Variants in BDH1 observed in about 807,000 individuals in gnomAD.
BDH1 encodes the protein D-beta-hydroxybutyrate dehydrogenase, mitochondrial.
Under a neutral mutation model 33.1 loss-of-function variants are expected in BDH1, and 30 were observed. The ratio of observed to expected loss-of-function variants is 0.91; its 90% CI spans 0.68 to 1.23. The LOEUF (loss-of-function observed/expected upper bound fraction) is 1.23, where lower values mean the gene tolerates loss of function less well. BDH1 is among the 50% of genes most tolerant of loss of function. The pLI is 0.00. For missense variants in BDH1, 443 were observed against 464.4 expected, an observed-to-expected ratio of 0.95 and a Z score of 0.42; for synonymous variants, 190 against 183.6, an observed-to-expected ratio of 1.03 and a Z score of -0.28.
intron 1 of BDH1, among the ~76,000 whole-genome samples, chr3:197,564,140 T>A (rs1717355881): frequency 1.4e-5 from 2 of 148,070 alleles, no homozygotes; most frequent in Non-Finnish European, 3.0e-5. Flanking sequence ...AATAAAGAGG[T>A]TTTTTTTGGT....
At chr3:197,567,575 T>C (rs1717474244) in intron 1 of BDH1, among the ~76,000 whole-genome samples, 1 of 152,192 alleles carries the variant, frequency 6.6e-6, no homozygotes, top group Non-Finnish European at 1.5e-5. Context: ...CTCTCTAAAA[T>C]GTATAAAACC....
At chr3:197,569,034 A>G (rs1020360274) in intron 1 of BDH1, among the ~76,000 whole-genome samples, 3 of 152,224 alleles carry the variant, frequency 2.0e-5, no homozygotes, top group African/African-American at 7.2e-5. Flanking sequence ...GTAGCCTAAG[A>G]TTATTCCCAT....
chr3:197,557,482 C>T (rs2567341), upstream of BDH1, among the ~76,000 whole-genome samples: 31,173 of 152,188 alleles, frequency 0.2, 3,258 homozygotes, highest in African/African-American at 0.22. The surrounding 1 kb of genome is among the most constrained non-coding windows in gnomAD (Gnocchi z 4.6). Flanking sequence ...CGGTGGCTCA[C>T]GCCTATAATC....
chr3:197,570,938 TCA>T (rs1417165663), intron 1 of BDH1, among the ~76,000 whole-genome samples: 1 of 152,156 alleles, frequency 6.6e-6, no homozygotes, highest in African/African-American at 2.4e-5. Flanking sequence ...CCTGGAAAAG[TCA>T]CAGACACTCA....
At chr3:197,571,569 G>C (rs1406331088) in intron 1 of BDH1, among the ~76,000 whole-genome samples, 1 of 152,186 alleles carries the variant, frequency 6.6e-6, no homozygotes, top group Non-Finnish European at 1.5e-5. Context: ...GGTTTTACAA[G>C]GGGAAACCCC....
chr3:197,524,182 C>T (rs2108728484), intron 5 of BDH1, among the ~76,000 whole-genome samples: 1 of 152,340 alleles, frequency 6.6e-6, no homozygotes, highest in South Asian at 2.1e-4. Flanking sequence ...ACTTAATTGG[C>T]AGCAATTTTC....
chr3:197,511,736 G>T lies in BDH1; in HGVS notation c.*159C>A. 1.4e-6 allele frequency: 1 copy of T among 700,536 alleles called. No homozygotes were observed. Among genetic ancestry groups the T allele is most frequent in the Non-Finnish European group, 2.3e-6 (1 of 438,854 alleles). The allele number at this position is 700,536 out of a possible 1,614,324, so 43.4% of individuals were successfully genotyped here. On this transcript the variant is annotated 3_prime_UTR_variant, in exon 8 of 8. Coordinates refer to ENST00000392379, the MANE Select transcript of BDH1 (RefSeq NM_203314.3). ...TGTGAAGGCCCAAGTCACTCACTATGCAAAGAAGTCATTCCCTCTAGTTAG... is the reference window on the plus strand; with the variant it reads ...TGTGAAGGCCCAAGTCACTCACTATTCAAAGAAGTCATTCCCTCTAGTTAG...
At chr3:197,563,255 C>T (rs1717324416) in intron 1 of BDH1, among the ~76,000 whole-genome samples, 1 of 152,170 alleles carries the variant, frequency 6.6e-6, no homozygotes, top group Non-Finnish European at 1.5e-5. Flanking sequence ...CACTTTGTAC[C>T]TTACGAGGTA....
chr3:197,525,547 A>C lies in BDH1; in HGVS notation c.268-2766T>G, dbSNP rs1714005736. Among the ~76,000 whole-genome samples the C allele has an allele frequency of 6.6e-6, 1 of 152,166 alleles. No individual in the cohort carries two copies. Among genetic ancestry groups the C allele is most frequent in the South Asian group, 2.1e-4 (1 of 4,830 alleles). On this transcript the variant is annotated intron_variant, in intron 5 of 7. Coordinates refer to ENST00000392379, the MANE Select transcript of BDH1 (RefSeq NM_203314.3). The surrounding 1 kb of genome is among the most constrained non-coding windows in gnomAD (Gnocchi z 4.9). ...TCTTTCAGAGGAAACTAGGGGATTA[A>C]TCTCACTGCCCACGGCTTCAGGCTC...
chr3:197,531,838 C>A (rs1053530907), intron 5 of BDH1, among the ~76,000 whole-genome samples: 2 of 152,116 alleles, frequency 1.3e-5, no homozygotes, highest in Admixed American at 1.3e-4. Context: ...TCCCTTCATG[C>A]ACCTTAAATT....
rs549145144 is a variant in BDH1 at position 197,510,327 on chromosome 3, G to A, written c.*1568C>T. ...CTGCGGAGGAGGAGCGCCCTCTAGC[G>A]GCAGGTCCGCCCAGGGAGAGGCGGA... On this transcript the variant is annotated 3_prime_UTR_variant, in exon 8 of 8. Transcript: ENST00000392379. The A allele has an allele frequency of 6.6e-6, 1 of 152,458 alleles. No homozygotes were observed. Among genetic ancestry groups the A allele is most frequent in the Admixed American group, 6.5e-5 (1 of 15,312 alleles). 9.4% of individuals were successfully genotyped at this position (152,458 alleles called of 1,614,324 possible).
chr3:197,531,663 T>C (rs1401564683), intron 5 of BDH1, among the ~76,000 whole-genome samples: 6 of 151,994 alleles, frequency 3.9e-5, no homozygotes, highest in Non-Finnish European at 8.8e-5. Flanking sequence ...TAGAAATCAG[T>C]GGCTGCTCAG....
Position 197,514,422 on chromosome 3 carries a change from C to G in BDH1, c.410-6G>C, listed in dbSNP as rs1018711585. The G allele has an allele frequency of 2.5e-6, 4 of 1,598,914 alleles. No homozygotes were observed. The highest frequency in any genetic ancestry group is 2.7e-5 in the African/African-American group (2 of 74,644). On this transcript the variant is annotated splice_region_variant and splice_polypyrimidine_tract_variant and intron_variant, in intron 6 of 7. Transcript: ENST00000392379. This position sits in a 1 kb window ranked among gnomAD's most constrained non-coding sequence, Gnocchi z 4.2. ...GTTAACGAGGCCCCACATGCCTGGA[C>G]AGGAGAGGGATAGATGTGCATTTAC...
rs1387419260 is a variant in BDH1, at chr3:197,511,066, A to T, written c.*829T>A. 1 of 152,164 alleles carries T rather than the reference A, an allele frequency of 6.6e-6. No individual in the cohort carries two copies. The highest frequency in any genetic ancestry group is 1.5e-5 in the Non-Finnish European group (1 of 68,036). 9.4% of individuals were successfully genotyped at this position (152,164 alleles called of 1,614,324 possible). A position where few individuals can be genotyped will look rare whatever the true frequency, so the allele number is the denominator to read the frequency against. ...ACATGGTGAAACCCCATCTCTACTA[A>T]AAATACAAAAATTAGCCCGGCATGG... On this transcript the variant is annotated 3_prime_UTR_variant, in exon 8 of 8. Transcript: ENST00000392379.
rs1429754406 is a variant in BDH1, at chr3:197,522,650, G to A, written c.399C>T (p.Asp133=). ...GAAGGGGCGCCCTACCTTTCTCAGG[G>A]TCCTTCAGGCTCGAGCGGACAATCT... ...VVEIVRSSLK[D]PEKGMWGLVN... The change falls in exon 6 of 8, where the codon GAC becomes GAT. Residue 133 remains aspartate (D), a synonymous_variant. Transcript: ENST00000392379. The surrounding 1 kb of genome is among the most constrained non-coding windows in gnomAD (Gnocchi z 4.8). 1 of 1,614,006 alleles carries A rather than the reference G, an allele frequency of 6.2e-7. No homozygotes were observed. Among genetic ancestry groups the A allele is most frequent in the East Asian group, 2.2e-5 (1 of 44,886 alleles).
intron 3 of BDH1, chr3:197,543,109 A>C (rs1549830): frequency 0.29 from 283,160 of 984,962 alleles, 42,407 homozygotes; most frequent in African/African-American, 0.49. Flanking sequence ...CAGGAATCAG[A>C]AACAATAACC....
intron 3 of BDH1, among the ~76,000 whole-genome samples, chr3:197,535,574 A>G (rs1032934969): frequency 6.6e-6 from 1 of 152,206 alleles, no homozygotes; most frequent in African/African-American, 2.4e-5. Context: ...TCAATGCCCA[A>G]TGTAGTTAGT....
chr3:197,552,848 TTGTC>T (rs368742377), intron 2 of BDH1, among the ~76,000 whole-genome samples: 102 of 151,936 alleles, frequency 6.7e-4, no homozygotes, highest in African/African-American at 2.4e-3. Context: ...ACAGGAATTT[TTGTC>T]TGTTTTGTTC....
rs761962343 is a variant in BDH1, at chr3:197,514,323, T to C, written c.503A>G (p.Asn168Ser). The C allele has an allele frequency of 6.2e-7, 1 of 1,613,822 alleles. No individual in the cohort carries two copies. Among genetic ancestry groups the C allele is most frequent in the Non-Finnish European group, 8.5e-7 (1 of 1,179,862 alleles). The change falls in exon 7 of 8, where the codon AAC becomes AGC. Residue 168 changes from asparagine (N) to serine (S), a missense_variant. By Grantham distance (46) the Asn-to-Ser change is conservative (BLOSUM62 1). Coordinates refer to ENST00000392379, the MANE Select transcript of BDH1 (RefSeq NM_203314.3). This position sits in a 1 kb window ranked among gnomAD's most constrained non-coding sequence, Gnocchi z 4.2. ...LETYKQVAEV[N>S]LWGTVRMTKS... Reference sequence around the variant, plus strand: ...CGTCATCCGCACTGTGCCCCAAAGGTTCACTTCTGCCACCTGCTTGTAGGT... The same window carrying C: ...CGTCATCCGCACTGTGCCCCAAAGGCTCACTTCTGCCACCTGCTTGTAGGT...
Sources: gnomAD v4.1 joint callset for allele counts (sites outside exome capture counted in the v4.1 genomes callset) on GRCh38, gnomAD v4.1.1 for gene constraint, Gnocchi (gnomAD v3.1) non-coding constraint, MANE v1.5 for transcripts, NCBI Gene and HGNC (gene_info 2026-07-23, HGNC 2026-07-21) for gene names.